ECE1: variants seen among roughly 807,000 people sequenced by gnomAD.
ECE1 encodes the protein endothelin-converting enzyme 1.
In ECE1, 35 loss-of-function variants were observed where a neutral mutation model predicts 98.6. The observed-to-expected ratio is 0.35, with a 90% CI of 0.27 to 0.47. The LOEUF is 0.47. Ranked by LOEUF, ECE1 falls within the 20% of genes least tolerant of loss-of-function variation. The probability of loss-of-function intolerance (pLI) is 1.00; values close to 1 mark genes in which losing one functional copy is unlikely to be tolerated. For synonymous variants in ECE1, 394 were observed against 407.1 expected, an observed-to-expected ratio of 0.97 and a Z score of 0.39; for missense variants, 814 against 1,025.3, an observed-to-expected ratio of 0.79 and a Z score of 2.81.
intron 2 of ECE1, chr1:21,279,591 G>A (rs1489372998): frequency 1.7e-5 from 24 of 1,436,106 alleles, no homozygotes; most frequent in East Asian, 5.0e-5. Context: ...TGTGTCACTC[G>A]ATATGAGTGG....
At chr1:21,221,099 A>G (rs940154246) in intron 18 of ECE1, among the ~76,000 whole-genome samples, 1 of 152,228 alleles carries the variant, frequency 6.6e-6, no homozygotes, top group Admixed American at 6.5e-5. Flanking sequence ...TGGGCAGAAC[A>G]AATTGTCTAA....
rs922445243 is a variant in ECE1 at position 21,345,264 on chromosome 1, G to A, written c.3+112C>T. The stretch of plus-strand genomic sequence containing the variant: ...CCGGGCGGGGGCTGCTGCTGCAGCC[G>A]GCGCCCAGCCCCCCGCGAGCCAGGG... On this transcript the variant is annotated intron_variant, in intron 1 of 18. Transcript: ENST00000415912. The surrounding 1 kb of genome is among the most constrained non-coding windows in gnomAD (Gnocchi z 5.1). 109 of 1,191,976 alleles carry A rather than the reference G, an allele frequency of 9.1e-5. No homozygotes were observed. Among genetic ancestry groups the A allele is most frequent in the Non-Finnish European group, 1.1e-4 (103 of 964,228 alleles). The allele number at this position is 1,191,976 out of a possible 1,614,324, so 73.8% of individuals were successfully genotyped here.
chr1:21,293,747 A>C (rs1032309689), upstream of ECE1: 4 of 152,128 alleles, frequency 2.6e-5, no homozygotes, highest in Non-Finnish European at 1.5e-5. Context: ...ACAGTGGGTG[A>C]GTGACATTTC....
intron 1 of ECE1, among the ~76,000 whole-genome samples, chr1:21,296,107 C>G (rs1016769472): frequency 2.0e-5 from 3 of 152,110 alleles, no homozygotes; most frequent in Non-Finnish European, 4.4e-5. Context: ...CTTTGTTCAG[C>G]CAACATTTGT....
At chr1:21,252,593 C>T (rs1209123289) in intron 8 of ECE1, among the ~76,000 whole-genome samples, 1 of 152,232 alleles carries the variant, frequency 6.6e-6, no homozygotes, top group Non-Finnish European at 1.5e-5. Context: ...GGAAGGTCCT[C>T]AGGCCCCCAG....
At chr1:21,287,940 T>C (rs577083707) in intron 2 of ECE1, among the ~76,000 whole-genome samples, 1 of 150,154 alleles carries the variant, frequency 6.7e-6, no homozygotes, top group Non-Finnish European at 1.5e-5. Context: ...CAAGTGAGCA[T>C]ATAAAGCTTT....
At chr1:21,228,535 C>T (rs2098177415) in intron 14 of ECE1, among the ~76,000 whole-genome samples, 1 of 151,996 alleles carries the variant, frequency 6.6e-6, no homozygotes, top group South Asian at 2.1e-4. Flanking sequence ...CTTGTAATCC[C>T]AGGACTTTGG....
chr1:21,265,917 C>T (rs1487603085), intron 4 of ECE1, among the ~76,000 whole-genome samples: 6 of 152,108 alleles, frequency 3.9e-5, no homozygotes, highest in Admixed American at 2.0e-4. Context: ...GATCTTTTGG[C>T]AGCCTAGGGC....
In ECE1 at chr1:21,345,268, C is replaced by T; in HGVS notation, c.3+108G>A. On this transcript the variant is annotated intron_variant, in intron 1 of 18. Coordinates refer to the ECE1 transcript ENST00000415912. The surrounding 1 kb of genome is among the most constrained non-coding windows in gnomAD (Gnocchi z 5.1). ...GCGGGGGCTGCTGCTGCAGCCGGCG[C>T]CCAGCCCCCCGCGAGCCAGGGCGGC... The T allele has an allele frequency of 8.3e-7, 1 of 1,207,404 alleles. No individual in the cohort carries two copies. Among genetic ancestry groups the T allele is most frequent in the East Asian group, 3.8e-5 (1 of 26,608 alleles). 74.8% of individuals were successfully genotyped at this position (1,207,404 alleles called of 1,614,324 possible).
intron 10 of ECE1, among the ~76,000 whole-genome samples, chr1:21,240,005 T>G (rs1287109087): frequency 6.6e-6 from 1 of 151,676 alleles, no homozygotes. Context: ...ACCCTGTTTC[T>G]ACCAAAAATA....
chr1:21,252,533 T>C (rs1010322603), intron 8 of ECE1, among the ~76,000 whole-genome samples: 3 of 152,168 alleles, frequency 2.0e-5, no homozygotes, highest in Admixed American at 6.5e-5. Flanking sequence ...GGGTAGAAAA[T>C]GGGGCTCAGG....
chr1:21,254,569 C>T (rs2098217503), intron 8 of ECE1, among the ~76,000 whole-genome samples: 1 of 152,172 alleles, frequency 6.6e-6, no homozygotes, highest in African/African-American at 2.4e-5. Flanking sequence ...GCTCCTGTGC[C>T]TTCTCCGCTA....
At chr1:21,259,687 A>G (rs1376891400) in intron 5 of ECE1, among the ~76,000 whole-genome samples, 4 of 152,156 alleles carry the variant, frequency 2.6e-5, no homozygotes, top group Non-Finnish European at 5.9e-5. Flanking sequence ...TGTCCAGGGA[A>G]CACGAGGCAG....
In ECE1 at chr1:21,247,273, C is replaced by T; in HGVS notation, c.1111G>A (p.Asp371Asn). Residue 371 changes from aspartate (D) to asparagine (N), a missense_variant, in exon 9 of 19, where the codon GAC becomes AAC. Asp to Asn is a conservative substitution (Grantham distance 23, BLOSUM62 1). This residue lies in a region of ECE1 where 452 missense variants were observed against 567.3 expected (regional missense o/e 0.80). Transcript: ENST00000374893. The part of the protein sequence containing the change: ...INESEPIVVY[D>N]KEYLEQISTL... ...GAGATCTGCTCAAGGTATTCCTTGT[C>T]ATAGACCACAATAGGCTCGGATTCA... The T allele has an allele frequency of 6.2e-7, 1 of 1,613,980 alleles. No homozygotes were observed. The highest frequency in any genetic ancestry group is 8.5e-7 in the Non-Finnish European group (1 of 1,179,976).
chr1:21,270,167 C>T (rs561420740), intron 4 of ECE1, among the ~76,000 whole-genome samples: 1 of 152,332 alleles, frequency 6.6e-6, no homozygotes, highest in African/African-American at 2.4e-5. Flanking sequence ...GAGCCCCTCA[C>T]CATTTTGGAC....
chr1:21,318,254 C>T (rs1638875591), intron 1 of ECE1, among the ~76,000 whole-genome samples: 1 of 152,216 alleles, frequency 6.6e-6, no homozygotes, highest in Non-Finnish European at 1.5e-5. Context: ...AACAAGTACC[C>T]TGCTGGCGCA....
At chr1:21,264,608 C>A (rs1184368731) in intron 4 of ECE1, among the ~76,000 whole-genome samples, 1 of 152,194 alleles carries the variant, frequency 6.6e-6, no homozygotes, top group Non-Finnish European at 1.5e-5. Flanking sequence ...AGCCACCGCA[C>A]CCAGCCCCAA....
At chr1:21,298,680 T>G (rs930969460) in intron 1 of ECE1, 1 of 448,904 alleles carries the variant, frequency 2.2e-6, no homozygotes, top group Non-Finnish European at 4.5e-6. Flanking sequence ...GTGAAACAAC[T>G]GGAGTGCAGC....
chr1:21,222,481 A>G (rs2098168727), intron 17 of ECE1, among the ~76,000 whole-genome samples: 1 of 152,158 alleles, frequency 6.6e-6, no homozygotes, highest in Non-Finnish European at 1.5e-5. Flanking sequence ...CCAGAGAGTG[A>G]GCACATTGGG....
Sources: allele counts gnomAD v4.1 joint callset (sites outside exome capture counted in the v4.1 genomes callset), GRCh38; gene constraint gnomAD v4.1.1; regional missense constraint gnomAD v4.1.1; non-coding constraint Gnocchi (gnomAD v3.1); transcripts MANE v1.5; gene names NCBI Gene and HGNC (gene_info 2026-07-23, HGNC 2026-07-21).